The following PIGK variants were observed in gnomAD, a reference collection of about 807,000 sequenced individuals.
PIGK encodes the protein GPI-anchor transamidase.
In PIGK, 42 loss-of-function variants were observed where a neutral mutation model predicts 50.6. The observed-to-expected ratio is 0.83, with a 90% CI of 0.65 to 1.07. PIGK has a LOEUF of 1.07. PIGK is among the 50% of genes least tolerant of loss of function. The pLI, the probability that PIGK is intolerant of heterozygous loss-of-function variation, is 0.00. For synonymous variants in PIGK, 151 were observed against 156.0 expected (o/e 0.97, Z 0.24); for missense variants, 448 against 488.7 (o/e 0.92, Z 0.78).
intron 5 of PIGK, among the ~76,000 whole-genome samples, chr1:77,165,603 TA>T (rs10712374): frequency 0.13 from 16,383 of 128,514 alleles, 1,420 homozygotes; most frequent in African/African-American, 0.27. Context: ...CAACTGGTGA[TA>T]AAAAAAAAAA....
At chr1:77,203,026 T>C (rs1032580643) in intron 3 of PIGK, among the ~76,000 whole-genome samples, 1 of 152,212 alleles carries the variant, frequency 6.6e-6, no homozygotes, top group Admixed American at 6.5e-5. Context: ...AACACAATTC[T>C]AGTGTTAAAG....
chr1:77,134,691 C>T (rs912602791), intron 9 of PIGK, among the ~76,000 whole-genome samples: 1 of 144,912 alleles, frequency 6.9e-6, no homozygotes, highest in Non-Finnish European at 1.5e-5. Flanking sequence ...GTCCTCATTG[C>T]TTCTACATCT....
intron 2 of PIGK, among the ~76,000 whole-genome samples, chr1:77,206,997 C>A (rs994378337): frequency 3.3e-5 from 5 of 151,986 alleles, no homozygotes; most frequent in African/African-American, 1.2e-4. Context: ...CAAAACCCCA[C>A]CTCTACTAAA....
chr1:77,163,838 C>T lies in PIGK; in HGVS notation c.584+8G>A, dbSNP rs754951453. On this transcript the variant is annotated splice_region_variant and intron_variant, in intron 6 of 10. Transcript: ENST00000370812. ...ATAGCTTATGAAAAGAAGTAATTTG[C>T]TAATTACCGTCTTTTCTGCCACATT... 2.0e-6 allele frequency: 3 copies of T among 1,504,704 alleles called. No individual in the cohort carries two copies. Among genetic ancestry groups the T allele is most frequent in the Non-Finnish European group, 2.8e-6 (3 of 1,084,338 alleles). The allele number at this position is 1,504,704 out of a possible 1,614,324, so 93.2% of individuals were successfully genotyped here. A position where few individuals can be genotyped will look rare whatever the true frequency, so the allele number is the denominator to read the frequency against.
intron 3 of PIGK, among the ~76,000 whole-genome samples, chr1:77,177,765 A>C (rs1054277848): frequency 1.3e-5 from 2 of 152,162 alleles, no homozygotes; most frequent in Non-Finnish European, 2.9e-5. Flanking sequence ...CAAAGACTGG[A>C]TCTTCTGAAA....
rs146489857 is a variant in PIGK, at chr1:77,206,718, C to T, written c.161G>A (p.Arg54Gln). The T allele has an allele frequency of 2.9e-5, 47 of 1,606,826 alleles. No individual in the cohort carries two copies. Among genetic ancestry groups the T allele is most frequent in the African/African-American group, 9.4e-5 (7 of 74,836 alleles). The change falls in exon 3 of 11, where the codon CGA becomes CAA. Residue 54 changes from arginine (R) to glutamine (Q), a missense_variant. Physicochemically the swap from Arg to Gln is conservative, Grantham distance 43. Coordinates refer to ENST00000370812, the MANE Select transcript of PIGK (RefSeq NM_005482.3). Reference protein sequence around the residue: ...NNWAVLVCTSRFWFNYRHVAN... With the variant: ...NNWAVLVCTSQFWFNYRHVAN... ...AACATGTCGATAATTAAACCAGAAT[C>T]GGGATGTACACACCTGAAGTATTAA...
chr1:77,195,033 C>CCT, intron 3 of PIGK: 1 of 819,376 alleles, frequency 1.2e-6, no homozygotes, highest in Non-Finnish European at 2.0e-6. Flanking sequence ...AGAAGAATAA[C>CCT]CTGAATCTGC....
At chr1:77,112,518 G>C (rs1653878039) in intron 10 of PIGK, among the ~76,000 whole-genome samples, 1 of 152,036 alleles carries the variant, frequency 6.6e-6, no homozygotes, top group Non-Finnish European at 1.5e-5. Flanking sequence ...ATAACAAATG[G>C]ATAAAAGTAA....
intron 3 of PIGK, among the ~76,000 whole-genome samples, chr1:77,186,876 G>A (rs185136652): frequency 3.3e-5 from 5 of 152,310 alleles, no homozygotes; most frequent in Admixed American, 2.0e-4. Context: ...TGATTAGGCA[G>A]CTACCTGGTG....
chr1:77,158,765 G>A (rs1344169702), intron 8 of PIGK, among the ~76,000 whole-genome samples: 1 of 152,176 alleles, frequency 6.6e-6, no homozygotes, highest in Non-Finnish European at 1.5e-5. Flanking sequence ...GCGTTCAAGA[G>A]GAGACTTGGG....
intron 10 of PIGK, among the ~76,000 whole-genome samples, chr1:77,103,234 C>T (rs1653588240): frequency 6.6e-6 from 1 of 152,082 alleles, no homozygotes; most frequent in African/African-American, 2.4e-5. Context: ...TATTTTTACT[C>T]TTTGTAATTG....
In PIGK at chr1:77,092,206, T is replaced by C. The variant is rs115725690; in HGVS notation, c.*168A>G. On this transcript the variant is annotated 3_prime_UTR_variant, in exon 11 of 11. Transcript: ENST00000370812. ...TATTTAGTGCCATTAAGCAGTTGCA[T>C]TAACAATTATTTTTCTTTAAGTTAT... 2,318 of 442,092 alleles carry C rather than the reference T, an allele frequency of 5.2e-3. 46 individuals carry two copies. Among genetic ancestry groups the C allele is most frequent in the African/African-American group, 0.045 (2,138 of 47,958 alleles). 27.4% of individuals were successfully genotyped at this position (442,092 alleles called of 1,614,324 possible).
intron 9 of PIGK, among the ~76,000 whole-genome samples, chr1:77,138,673 A>T (rs979326535): frequency 1.3e-5 from 2 of 152,204 alleles, no homozygotes; most frequent in Admixed American, 6.5e-5. Flanking sequence ...ACAGCAGTAG[A>T]AAACTAATAC....
At chr1:77,157,095 T>A (rs1191611787) in intron 8 of PIGK, among the ~76,000 whole-genome samples, 1 of 152,176 alleles carries the variant, frequency 6.6e-6, no homozygotes, top group Non-Finnish European at 1.5e-5. Flanking sequence ...TATAAATTTT[T>A]AAGGGGCTAA....
chr1:77,161,153 A>C, intron 8 of PIGK, 142 bp downstream of exon 8: 2 of 606,356 alleles, frequency 3.3e-6, no homozygotes, highest in Non-Finnish European at 5.9e-6. Context: ...ATATACAGGT[A>C]AAAGGTAGAT....
intron 9 of PIGK, among the ~76,000 whole-genome samples, chr1:77,135,935 T>C (rs958225607): frequency 3.9e-5 from 6 of 152,344 alleles, no homozygotes; most frequent in Admixed American, 3.9e-4. Flanking sequence ...ATCATAATTA[T>C]AAAATATATT....
intron 3 of PIGK, among the ~76,000 whole-genome samples, chr1:77,186,540 T>G (rs1655751215): frequency 6.6e-6 from 1 of 152,204 alleles, no homozygotes; most frequent in Non-Finnish European, 1.5e-5. Context: ...TGGATGGACC[T>G]GAGGGGTCAA....
chr1:77,166,947 C>T (rs948204148), intron 4 of PIGK, 117 bp from the exon 5 acceptor site: 1 of 600,862 alleles, frequency 1.7e-6, no homozygotes, highest in African/African-American at 1.9e-5. Context: ...TCAGCACCAA[C>T]TGAAAATAAA....
intron 10 of PIGK, among the ~76,000 whole-genome samples, chr1:77,115,632 C>T (rs1158613284): frequency 6.6e-6 from 1 of 151,950 alleles, no homozygotes; most frequent in East Asian, 1.9e-4. Context: ...ACTGGTTACA[C>T]TGGAAAAAAA....
Sources: allele counts gnomAD v4.1 joint callset (sites outside exome capture counted in the v4.1 genomes callset), GRCh38; gene constraint gnomAD v4.1.1; transcripts MANE v1.5; gene names NCBI Gene and HGNC (gene_info 2026-07-23, HGNC 2026-07-21).